Variants in FAT3 observed in about 807,000 individuals in gnomAD.
FAT3 encodes protocadherin Fat 3.
FAT3 carries 95 observed loss-of-function variants against 310.2 expected under a neutral mutation model. That is an observed-to-expected ratio of 0.31 (90% CI 0.26 to 0.36). The LOEUF (loss-of-function observed/expected upper bound fraction) is 0.36. FAT3 is among the 10% of genes least tolerant of loss of function. The pLI, the probability that FAT3 is intolerant of heterozygous loss-of-function variation, is 1.00. For missense variants in FAT3, 5,408 were observed against 5,715.6 expected, an observed-to-expected ratio of 0.95 and a Z score of 1.74; for synonymous variants, 2,314 against 2,192.9, an observed-to-expected ratio of 1.06 and a Z score of -1.54.
At chr11:92,653,508 G>C (rs1259149679) in intron 3 of FAT3, among the ~76,000 whole-genome samples, 2 of 152,078 alleles carry the variant, frequency 1.3e-5, no homozygotes, top group Admixed American at 6.6e-5. Flanking sequence ...ATACTGCAGT[G>C]TTCAGTAAAG....
intron 3 of FAT3, among the ~76,000 whole-genome samples, chr11:92,643,011 C>T (rs1942021592): frequency 1.3e-5 from 2 of 152,188 alleles, no homozygotes; most frequent in South Asian, 4.1e-4. Flanking sequence ...AAGCAGAATA[C>T]ATTATTTCAG....
rs559159921 is a variant in FAT3 at position 92,728,933 on chromosome 11, C to T, written c.3669+31488C>T. Among the ~76,000 whole-genome samples the T allele has an allele frequency of 2.0e-5, 3 of 152,270 alleles. No individual in the cohort carries two copies. The South Asian group carries it at 6.2e-4, about 32-fold the overall frequency. On this transcript the variant is annotated intron_variant, in intron 4 of 27. Transcript: ENST00000525166. ...CTCATCTCAAGATCCTTAACTTAATCGCATTTGCAAAGACCCCTTTTTCAA... is the reference window on the plus strand; with the variant it reads ...CTCATCTCAAGATCCTTAACTTAATTGCATTTGCAAAGACCCCTTTTTCAA...
intron 19 of FAT3, among the ~76,000 whole-genome samples, chr11:92,857,000 T>C (rs565542776): frequency 1.3e-5 from 2 of 152,218 alleles, no homozygotes; most frequent in Non-Finnish European, 2.9e-5. Flanking sequence ...CAGTGAAATT[T>C]GGCAGATGTA....
chr11:92,594,110 C>T (rs564438727), intron 3 of FAT3, among the ~76,000 whole-genome samples: 1 of 152,096 alleles, frequency 6.6e-6, no homozygotes, highest in Non-Finnish European at 1.5e-5. Flanking sequence ...GAGTGCAAGA[C>T]CTTGTGATAT....
At chr11:92,557,599 T>C (rs975983190) in intron 3 of FAT3, among the ~76,000 whole-genome samples, 10 of 152,232 alleles carry the variant, frequency 6.6e-5, no homozygotes, top group Non-Finnish European at 1.0e-4. Context: ...TGGTCCATTC[T>C]TGATAAATTC....
At chr11:92,511,044 G>T (rs1193467186) in intron 2 of FAT3, among the ~76,000 whole-genome samples, 1 of 152,230 alleles carries the variant, frequency 6.6e-6, no homozygotes, top group Non-Finnish European at 1.5e-5. Flanking sequence ...CTGGCAGCCT[G>T]CAGTGTGTAC....
At chr11:92,874,236 T>G (rs558873673) in intron 22 of FAT3, among the ~76,000 whole-genome samples, 23 of 152,336 alleles carry the variant, frequency 1.5e-4, no homozygotes, top group African/African-American at 5.3e-4. Flanking sequence ...TCCCTAGATA[T>G]CTCTTAGAAT....
intron 24 of FAT3, among the ~76,000 whole-genome samples, chr11:92,885,066 C>T (rs555069785): frequency 3.9e-5 from 6 of 152,218 alleles, no homozygotes; most frequent in East Asian, 1.9e-4. Flanking sequence ...GCTGTGAAAC[C>T]GCCAAGGAGG....
At chr11:92,609,836 T>C (rs1302060235) in intron 3 of FAT3, among the ~76,000 whole-genome samples, 3 of 152,146 alleles carry the variant, frequency 2.0e-5, no homozygotes, top group Non-Finnish European at 4.4e-5. Flanking sequence ...TATTAGCATT[T>C]TGTGGAGTTC....
chr11:92,495,422 G>A (rs754405796), intron 2 of FAT3, among the ~76,000 whole-genome samples: 1 of 152,084 alleles, frequency 6.6e-6, no homozygotes, highest in Non-Finnish European at 1.5e-5. Flanking sequence ...TTCAACAAAT[G>A]TTGACTGGCT....
At chr11:92,265,413 C>T (rs931813701) in intron 1 of FAT3, among the ~76,000 whole-genome samples, 6 of 151,984 alleles carry the variant, frequency 3.9e-5, no homozygotes, top group East Asian at 2.0e-4. Context: ...ATGGGGAAGA[C>T]GTCTTTTTCT....
intron 13 of FAT3, among the ~76,000 whole-genome samples, chr11:92,820,598 A>G (rs1265471065): frequency 6.6e-6 from 1 of 152,098 alleles, no homozygotes; most frequent in Non-Finnish European, 1.5e-5. Flanking sequence ...GTCAAGGTCT[A>G]TCAACAACTG....
At chr11:92,748,239 G>A (rs1945731249) in intron 4 of FAT3, among the ~76,000 whole-genome samples, 1 of 152,052 alleles carries the variant, frequency 6.6e-6, no homozygotes, top group Non-Finnish European at 1.5e-5. Flanking sequence ...GCTTGTGCAG[G>A]GGAACTTCCA....
At chr11:92,601,870 C>G (rs934568878) in intron 3 of FAT3, among the ~76,000 whole-genome samples, 7 of 151,994 alleles carry the variant, frequency 4.6e-5, no homozygotes, top group African/African-American at 1.7e-4. Flanking sequence ...GCAGTGCAGC[C>G]AGGTCCTGAT....
rs774018033 is a variant in FAT3, at chr11:92,353,695, T to C, written c.1583T>C (p.Ile528Thr). 11 of 1,613,852 alleles carry C rather than the reference T, an allele frequency of 6.8e-6. No individual in the cohort carries two copies. The highest frequency in any genetic ancestry group is 2.7e-5 in the African/African-American group (2 of 74,940). ...GTCATTAATCAGTTTACAGGTGTTATTAGCACAACTGAAGAACTGGATTTT... is the reference window on the plus strand; with the variant it reads ...GTCATTAATCAGTTTACAGGTGTTACTAGCACAACTGAAGAACTGGATTTT... ...PFVINQFTGVISTTEELDFES... is the reference protein window; with the variant it reads ...PFVINQFTGVTSTTEELDFES... Residue 528 changes from isoleucine to threonine, a missense_variant, in exon 2 of 28, where the codon ATT becomes ACT. Physicochemically the swap from Ile to Thr is moderately conservative, Grantham distance 89 (BLOSUM62 -1). Around this residue, in one of 5 missense-constraint regions of FAT3, gnomAD observed 4,588 missense variants for 4,809.8 expected, o/e 0.95. Transcript: ENST00000525166.
chr11:92,627,421 A>G (rs1276156383), intron 3 of FAT3, among the ~76,000 whole-genome samples: 1 of 152,204 alleles, frequency 6.6e-6, no homozygotes, highest in African/African-American at 2.4e-5. Context: ...TTAACAGTTC[A>G]TAGAGTGGAA....
chr11:92,277,588 A>G (rs769216208), intron 1 of FAT3, among the ~76,000 whole-genome samples: 1 of 152,150 alleles, frequency 6.6e-6, no homozygotes, highest in Admixed American at 6.5e-5. Flanking sequence ...CGTTGTCCTA[A>G]GTGAGATAAC....
intron 3 of FAT3, among the ~76,000 whole-genome samples, chr11:92,677,293 G>A (rs1052845340): frequency 3.9e-5 from 6 of 152,344 alleles, no homozygotes; most frequent in Non-Finnish European, 4.4e-5. Context: ...ATTTATACAG[G>A]AAGAATACAC....
chr11:92,477,343 T>C (rs1233771056), intron 2 of FAT3, among the ~76,000 whole-genome samples: 1 of 152,216 alleles, frequency 6.6e-6, no homozygotes, highest in Non-Finnish European at 1.5e-5. Flanking sequence ...ATTTTAAAAA[T>C]ACAAACTGTC....
Sources: allele counts gnomAD v4.1 joint callset (sites outside exome capture counted in the v4.1 genomes callset), GRCh38; gene constraint gnomAD v4.1.1; regional missense constraint gnomAD v4.1.1; transcripts MANE v1.5; gene names NCBI Gene and HGNC (gene_info 2026-07-23, HGNC 2026-07-21).